Variants in PDE3B observed in about 807,000 individuals in gnomAD.
PDE3B encodes the protein phosphodiesterase 3B.
A neutral mutation model predicts 116.8 loss-of-function variants in PDE3B; 66 were observed. The observed-to-expected ratio is 0.56, with a 90% CI of 0.46 to 0.69. The LOEUF (loss-of-function observed/expected upper bound fraction) is 0.69. Among genes scored for constraint, PDE3B ranks in the 30% least tolerant of loss-of-function variants. PDE3B has a pLI of 0.00. For synonymous variants in PDE3B, 595 were observed against 533.6 expected (o/e 1.12, Z -1.59); for missense variants, 1,384 against 1,368.1 (o/e 1.01, Z -0.18).
At chr11:14,674,963 A>G (rs975084794) in intron 1 of PDE3B, among the ~76,000 whole-genome samples, 3 of 152,214 alleles carry the variant, frequency 2.0e-5, no homozygotes, top group African/African-American at 7.2e-5. Flanking sequence ...TGCTCACCAA[A>G]GGGCTTGTAG....
chr11:14,817,853 G>A, intron 5 of PDE3B, among the ~76,000 whole-genome samples: 1 of 152,086 alleles, frequency 6.6e-6, no homozygotes, highest in Non-Finnish European at 1.5e-5. Flanking sequence ...GGACACATAG[G>A]TGAAAGTTAA....
chr11:14,644,729 C>G lies in PDE3B; in HGVS notation c.654C>G (p.His218Gln). ...TCGCGCACCCGCTGCGGCTCCGGCA[C>G]TGCGTTCTGGTGCTGCTCCTGGCCA... ...LTLAHPLRLR[H>Q]CVLVLLLASF... The change falls in exon 1 of 16, where the codon CAC becomes CAG. Residue 218 changes from histidine (H) to glutamine (Q), a missense_variant. Around this residue, in one of 2 missense-constraint regions of PDE3B, gnomAD observed 956 missense variants for 806.8 expected, o/e 1.18. Transcript: ENST00000282096. 6.4e-7 allele frequency: 1 copy of G among 1,563,028 alleles called. No individual in the cohort carries two copies. Among genetic ancestry groups the G allele is most frequent in the Admixed American group, 1.9e-5 (1 of 51,976 alleles).
In PDE3B at chr11:14,804,049, T is replaced by C; in HGVS notation, c.1521T>C (p.Ala507=). The C allele has an allele frequency of 6.4e-7, 1 of 1,551,382 alleles. No individual in the cohort carries two copies. Among genetic ancestry groups the C allele is most frequent in the Admixed American group, 1.7e-5 (1 of 59,824 alleles). The change falls in exon 5 of 16, where the codon GCT becomes GCC. Residue 507 remains alanine, a splice_region_variant and synonymous_variant. Coordinates refer to ENST00000282096, the MANE Select transcript of PDE3B (RefSeq NM_000922.4). ...CTCACCATGTAGGTCTCAGAAGAGCTGGTAAGAAATCATTCTTTATGACTC... is the reference window on the plus strand; with the variant it reads ...CTCACCATGTAGGTCTCAGAAGAGCCGGTAAGAAATCATTCTTTATGACTC... ...SLTHHVGLRR[A]GVLSSLSPVN...
intron 1 of PDE3B, among the ~76,000 whole-genome samples, chr11:14,662,057 C>A (rs1344023314): frequency 2.0e-5 from 3 of 152,166 alleles, no homozygotes; most frequent in African/African-American, 7.2e-5. Context: ...GAGGCACCCC[C>A]AAGTAGGGGC....
Position 14,707,769 on chromosome 11 carries a change from A to G in PDE3B, c.978+62716A>G, listed in dbSNP as rs371165031. ...TGAGAGTGTGGGGTTTTCCCCCTGT[A>G]TATATGATATTTGTGATGAAGAAAG... On this transcript the variant is annotated intron_variant, in intron 1 of 15. Coordinates refer to ENST00000282096, the MANE Select transcript of PDE3B (RefSeq NM_000922.4). Among the ~76,000 whole-genome samples, 35 of 152,090 alleles carry G rather than the reference A, an allele frequency of 2.3e-4. 1 individual carries two copies. Among genetic ancestry groups the G allele is most frequent in the Non-Finnish European group, 8.8e-5 (6 of 67,948 alleles).
chr11:14,786,721 A>G, intron 3 of PDE3B, 36 bp downstream of exon 3: 1 of 1,514,236 alleles, frequency 6.6e-7, no homozygotes, highest in Non-Finnish European at 9.1e-7. Flanking sequence ...CTATTTATCA[A>G]ATTTAATGAT....
chr11:14,881,041 A>T, the PDE3B span, among the ~76,000 whole-genome samples: 42 of 152,226 alleles, frequency 2.8e-4, no homozygotes, highest in Non-Finnish European at 1.3e-4. Context: ...ACCTGGTGAA[A>T]TAGGCCCAGG....
chr11:14,645,091 G>T, intron 1 of PDE3B, 38 bp downstream of exon 1: 2 of 1,505,264 alleles, frequency 1.3e-6, no homozygotes, highest in Non-Finnish European at 1.8e-6. Flanking sequence ...GACGCGAGCG[G>T]GTTCGGGTTT....
chr11:14,761,117 C>T (rs1339686053), intron 1 of PDE3B, among the ~76,000 whole-genome samples: 1 of 151,960 alleles, frequency 6.6e-6, no homozygotes, highest in East Asian at 1.9e-4. Context: ...GTATTTGCTT[C>T]CTAATAAACG....
intron 4 of PDE3B, among the ~76,000 whole-genome samples, chr11:14,795,814 G>T (rs542732537): frequency 6.6e-6 from 1 of 152,064 alleles, no homozygotes; most frequent in African/African-American, 2.4e-5. Flanking sequence ...TGGACAAGAA[G>T]AATATGAGAT....
intron 1 of PDE3B, among the ~76,000 whole-genome samples, chr11:14,735,547 T>TGAA (rs1856573019): frequency 6.6e-6 from 1 of 152,178 alleles, no homozygotes; most frequent in African/African-American, 2.4e-5. Context: ...TGGCACTATG[T>TGAA]AGAAGAAATG....
the PDE3B span, among the ~76,000 whole-genome samples, chr11:14,898,767 T>C: frequency 1.3e-5 from 2 of 152,156 alleles, 1 homozygote; most frequent in South Asian, 4.1e-4. Flanking sequence ...AGAGTGAGTA[T>C]AAACTTATTC....
intron 1 of PDE3B, among the ~76,000 whole-genome samples, chr11:14,685,161 C>T (rs764054019): frequency 2.7e-4 from 41 of 151,894 alleles, no homozygotes; most frequent in East Asian, 1.9e-4. Context: ...TAAAGACAGG[C>T]GTAAGAAATT....
chr11:14,711,133 A>T (rs1430715402), intron 1 of PDE3B, among the ~76,000 whole-genome samples: 5 of 152,222 alleles, frequency 3.3e-5, no homozygotes, highest in African/African-American at 1.2e-4. Context: ...GCAAGTAAAC[A>T]TCTATAGATG....
At chr11:14,715,734 T>C (rs919265742) in intron 1 of PDE3B, among the ~76,000 whole-genome samples, 8 of 152,216 alleles carry the variant, frequency 5.3e-5, no homozygotes, top group Non-Finnish European at 1.0e-4. Flanking sequence ...CTTTTCCTAA[T>C]TGAACACCCT....
chr11:14,820,497 G>T (rs978329002), intron 7 of PDE3B, among the ~76,000 whole-genome samples: 1 of 152,056 alleles, frequency 6.6e-6, no homozygotes, highest in Non-Finnish European at 1.5e-5. Flanking sequence ...TTTTGGGTGG[G>T]GGTGTTGAGA....
chr11:14,791,843 T>A (rs1858399821), intron 4 of PDE3B, among the ~76,000 whole-genome samples: 1 of 152,162 alleles, frequency 6.6e-6, no homozygotes. Flanking sequence ...TGGTGTAGTA[T>A]TTACATATTC....
intron 11 of PDE3B, among the ~76,000 whole-genome samples, chr11:14,837,004 G>A (rs1286787509): frequency 1.3e-5 from 2 of 152,216 alleles, no homozygotes; most frequent in African/African-American, 4.8e-5. Flanking sequence ...AGTAGAGATG[G>A]GGTTTCACCA....
At chr11:14,683,826 G>A (rs2133797363) in intron 1 of PDE3B, among the ~76,000 whole-genome samples, 1 of 152,202 alleles carries the variant, frequency 6.6e-6, no homozygotes, top group African/African-American at 2.4e-5. Context: ...TTCCCTCTAA[G>A]CACTATGCTA....
Sources: allele counts gnomAD v4.1 joint callset (sites outside exome capture counted in the v4.1 genomes callset), GRCh38; gene constraint gnomAD v4.1.1; regional missense constraint gnomAD v4.1.1; transcripts MANE v1.5; gene names NCBI Gene and HGNC (gene_info 2026-07-23, HGNC 2026-07-21).